The following PHF21B variants were observed in gnomAD, a reference collection of about 807,000 sequenced individuals.
PHF21B encodes the protein PHD finger protein 4.
PHF21B carries 22 observed loss-of-function variants against 62.2 expected under a neutral mutation model. The observed-to-expected ratio is 0.35, with a 90% CI of 0.25 to 0.51. The LOEUF (loss-of-function observed/expected upper bound fraction) is 0.51, where lower values mean the gene tolerates loss of function less well. PHF21B is among the 20% of genes least tolerant of loss of function. The probability of loss-of-function intolerance (pLI) is 0.97; values close to 1 mark genes in which losing one functional copy is unlikely to be tolerated. For synonymous variants in PHF21B, 341 were observed against 314.7 expected (o/e 1.08, Z -0.88); for missense variants, 701 against 707.9 (o/e 0.99, Z 0.11).
In PHF21B at chr22:44,883,340, A is replaced by C. The variant is rs2070771862; in HGVS notation, c.1378-36T>G. ...GAAGGTCAGGGGAAAGGGTCTCAGT[A>C]TTCGGCTCTACAGCCATCCTGGGGC... On this transcript the variant is annotated intron_variant, in intron 12 of 12. Coordinates refer to ENST00000313237, the MANE Select transcript of PHF21B (RefSeq NM_138415.5). 1.9e-6 allele frequency: 3 copies of C among 1,596,996 alleles called. No homozygotes were observed. The African/African-American group carries it at 4.0e-5, about 21-fold the overall frequency.
chr22:44,911,413 A>AG (rs1308028898), intron 5 of PHF21B, among the ~76,000 whole-genome samples: 1 of 152,022 alleles, frequency 6.6e-6, no homozygotes, highest in East Asian at 1.9e-4. Flanking sequence ...GTAGGCCTAG[A>AG]GGTTTAGGAG....
At chr22:44,985,140 A>C (rs1569273976) in intron 2 of PHF21B, among the ~76,000 whole-genome samples, 1 of 152,224 alleles carries the variant, frequency 6.6e-6, no homozygotes, top group Non-Finnish European at 1.5e-5. Context: ...AACACACACA[A>C]GCATCTTGTC....
intron 5 of PHF21B, among the ~76,000 whole-genome samples, chr22:44,903,856 C>T (rs762642152): frequency 1.6e-4 from 25 of 152,194 alleles, no homozygotes; most frequent in Admixed American, 2.6e-4. Context: ...ATGCCTCTGA[C>T]AAACAGCACA....
intron 2 of PHF21B, among the ~76,000 whole-genome samples, chr22:44,964,435 T>C (rs889254518): frequency 1.3e-5 from 2 of 152,166 alleles, no homozygotes; most frequent in Non-Finnish European, 2.9e-5. Context: ...GGCCCGGCCA[T>C]TTGGCAACCC....
At chr22:44,959,630 G>A (rs2147413130) in intron 2 of PHF21B, among the ~76,000 whole-genome samples, 1 of 152,374 alleles carries the variant, frequency 6.6e-6, no homozygotes, top group African/African-American at 2.4e-5. Flanking sequence ...GATGCACCCA[G>A]GTGGTCCCGG....
intron 2 of PHF21B, among the ~76,000 whole-genome samples, chr22:45,006,809 G>A (rs1042263024): frequency 2.6e-5 from 4 of 151,550 alleles, no homozygotes; most frequent in Admixed American, 2.0e-4. Flanking sequence ...TGAAAAAAGG[G>A]CTTAGTAACC....
intron 2 of PHF21B, among the ~76,000 whole-genome samples, chr22:44,928,573 C>T (rs1410746210): frequency 6.6e-6 from 1 of 152,136 alleles, no homozygotes; most frequent in East Asian, 1.9e-4. Flanking sequence ...CCATGTCTGG[C>T]TAATTTTTAT....
rs565097356 is a variant in PHF21B, at chr22:45,008,691, C to T, written c.55-81G>A. On this transcript the variant is annotated intron_variant, in intron 1 of 12. Coordinates refer to ENST00000313237, the MANE Select transcript of PHF21B (RefSeq NM_138415.5). ...CAGCACCGCGGGCCGCGGCACCCCCCGCCCGGAGCCCCACGGGCGGGGCCG... is the reference window on the plus strand; with the variant it reads ...CAGCACCGCGGGCCGCGGCACCCCCTGCCCGGAGCCCCACGGGCGGGGCCG... The T allele has an allele frequency of 6.5e-6, 8 of 1,230,464 alleles. No individual in the cohort carries two copies. The South Asian group carries it at 2.1e-4, about 33-fold the overall frequency. The allele number at this position is 1,230,464 out of a possible 1,614,324, so 76.2% of individuals were successfully genotyped here. A position where few individuals can be genotyped will look rare whatever the true frequency, so the allele number is the denominator to read the frequency against.
intron 2 of PHF21B, among the ~76,000 whole-genome samples, chr22:44,921,180 G>A (rs890906172): frequency 3.9e-5 from 6 of 152,222 alleles, no homozygotes; most frequent in African/African-American, 1.4e-4. Context: ...AACACACGAT[G>A]GGATGGCAGC....
chr22:44,899,386 T>A (rs975984101), intron 5 of PHF21B, among the ~76,000 whole-genome samples: 1 of 150,880 alleles, frequency 6.6e-6, no homozygotes, highest in African/African-American at 2.4e-5. Flanking sequence ...CGCCTCCTGG[T>A]TTCAACCGAT....
chr22:44,982,753 T>A (rs1601676293), intron 2 of PHF21B, among the ~76,000 whole-genome samples: 1 of 152,252 alleles, frequency 6.6e-6, no homozygotes, highest in East Asian at 1.9e-4. Context: ...GATTTTTATC[T>A]GGAAATCATT....
chr22:44,957,383 T>A (rs534941815), intron 2 of PHF21B, among the ~76,000 whole-genome samples: 5 of 152,210 alleles, frequency 3.3e-5, no homozygotes, highest in East Asian at 1.9e-4. Context: ...GTAGAAGGAG[T>A]GAGAGAGACC....
At chr22:44,949,028 C>T (rs542795498) in intron 2 of PHF21B, among the ~76,000 whole-genome samples, 12 of 152,126 alleles carry the variant, frequency 7.9e-5, no homozygotes, top group African/African-American at 2.7e-4. Flanking sequence ...AGGGGCCGGG[C>T]GCGGTGGCTC....
At chr22:44,929,851 C>G (rs970931931) in intron 2 of PHF21B, among the ~76,000 whole-genome samples, 1 of 152,100 alleles carries the variant, frequency 6.6e-6, no homozygotes, top group Non-Finnish European at 1.5e-5. Flanking sequence ...CACAGAGATG[C>G]GAGGGTCCAC....
intron 2 of PHF21B, among the ~76,000 whole-genome samples, chr22:44,998,416 A>T (rs562605853): frequency 2.4e-4 from 37 of 152,310 alleles, no homozygotes; most frequent in African/African-American, 7.2e-4. Context: ...AAGCGCAGTG[A>T]TCAGAAGACC....
chr22:44,892,089 A>G (rs1274449157), intron 7 of PHF21B, among the ~76,000 whole-genome samples: 1 of 152,100 alleles, frequency 6.6e-6, no homozygotes, highest in Admixed American at 6.6e-5. Flanking sequence ...TTGGGAGCCT[A>G]GAGTAACGCC....
At chr22:44,995,523 G>A (rs2073105520) in intron 2 of PHF21B, among the ~76,000 whole-genome samples, 2 of 152,268 alleles carry the variant, frequency 1.3e-5, no homozygotes, top group African/African-American at 2.4e-5. Context: ...TGTGTGACCA[G>A]CTCCTCCCCT....
In PHF21B at chr22:45,009,046, G is replaced by A; in HGVS notation, c.55-436C>T. The A allele has an allele frequency of 3.5e-6, 4 of 1,130,294 alleles. No individual in the cohort carries two copies. Among genetic ancestry groups the A allele is most frequent in the Admixed American group, 4.9e-5 (1 of 20,572 alleles). 70.0% of individuals were successfully genotyped at this position (1,130,294 alleles called of 1,614,324 possible). On this transcript the variant is annotated intron_variant, in intron 1 of 12. Coordinates refer to ENST00000313237, the MANE Select transcript of PHF21B (RefSeq NM_138415.5). This position sits in a 1 kb window ranked among gnomAD's most constrained non-coding sequence, Gnocchi z 5.9. Reference sequence around the variant, plus strand: ...CACACACACGCGCACGCCGAGCCCCGCTCAGGCTCCGGCCGCCACGCCGCC... The same window carrying A: ...CACACACACGCGCACGCCGAGCCCCACTCAGGCTCCGGCCGCCACGCCGCC...
intron 2 of PHF21B, among the ~76,000 whole-genome samples, chr22:44,951,682 T>C (rs1223221926): frequency 1.3e-5 from 2 of 152,384 alleles, no homozygotes; most frequent in Non-Finnish European, 2.9e-5. Context: ...ATCTCCAGTG[T>C]ACTGCTGACT....
Sources: gnomAD v4.1 joint callset for allele counts (sites outside exome capture counted in the v4.1 genomes callset) on GRCh38, gnomAD v4.1.1 for gene constraint, Gnocchi (gnomAD v3.1) non-coding constraint, MANE v1.5 for transcripts, NCBI Gene and HGNC (gene_info 2026-07-23, HGNC 2026-07-21) for gene names.